ACOXL: variants seen among roughly 807,000 people sequenced by gnomAD.
ACOXL encodes acyl-CoA oxidase like.
ACOXL carries 70 observed loss-of-function variants against 71.9 expected under a neutral mutation model. That is an observed-to-expected ratio of 0.97 (90% confidence interval 0.80 to 1.19). ACOXL has a LOEUF of 1.19. ACOXL is among the 50% of genes most tolerant of loss of function. The pLI is 0.00. For missense variants in ACOXL, 703 were observed against 736.3 expected, an observed-to-expected ratio of 0.95 and a Z score of 0.52; for synonymous variants, 253 against 281.6, an observed-to-expected ratio of 0.90 and a Z score of 1.02.
At chr2:110,753,600 T>A (rs1301408994) in intron 1 of ACOXL, among the ~76,000 whole-genome samples, 2 of 152,222 alleles carry the variant, frequency 1.3e-5, no homozygotes, top group Non-Finnish European at 2.9e-5. Context: ...TCTGAATAGA[T>A]CATAGTTTAC....
At chr2:110,822,215 C>A (rs547416852) in intron 9 of ACOXL, among the ~76,000 whole-genome samples, 1 of 152,200 alleles carries the variant, frequency 6.6e-6, no homozygotes, top group East Asian at 1.9e-4. Flanking sequence ...GTAAAGCAAC[C>A]TGTGTATATA....
chr2:111,002,728 TA>T (rs1240175792), intron 14 of ACOXL, among the ~76,000 whole-genome samples: 19 of 152,320 alleles, frequency 1.2e-4, no homozygotes, highest in African/African-American at 4.3e-4. Flanking sequence ...ATTTTCATTT[TA>T]TTTTTTTCCC....
intron 14 of ACOXL, among the ~76,000 whole-genome samples, chr2:110,998,020 C>T (rs2063473301): frequency 6.9e-6 from 1 of 145,426 alleles, no homozygotes; most frequent in Non-Finnish European, 1.5e-5. Flanking sequence ...CACTGCACTC[C>T]AGCCTGGGCA....
intron 16 of ACOXL, among the ~76,000 whole-genome samples, chr2:111,054,729 A>G (rs1410074989): frequency 1.3e-5 from 2 of 152,212 alleles, no homozygotes; most frequent in Non-Finnish European, 2.9e-5. Context: ...TTAAGAAGTC[A>G]GACACATTTG....
intron 12 of ACOXL, among the ~76,000 whole-genome samples, chr2:110,942,930 AAAGAAAG>A (rs1299027037): frequency 6.8e-6 from 1 of 147,796 alleles, no homozygotes; most frequent in Non-Finnish European, 1.5e-5. Context: ...AAAGAGAAAG[AAAGAAAG>A]AAGAAAGAAA....
chr2:110,913,838 C>T (rs774277877), intron 11 of ACOXL, among the ~76,000 whole-genome samples: 4 of 152,210 alleles, frequency 2.6e-5, no homozygotes, highest in Non-Finnish European at 5.9e-5. Context: ...GGATAGGTAC[C>T]ACACACTTGA....
chr2:110,902,019 A>G (rs2059253736), intron 10 of ACOXL, among the ~76,000 whole-genome samples: 1 of 151,360 alleles, frequency 6.6e-6, no homozygotes, highest in African/African-American at 2.4e-5. Context: ...TGGATGACAG[A>G]GTACGATTCT....
chr2:110,879,781 A>G (rs1024798936), intron 10 of ACOXL, among the ~76,000 whole-genome samples: 4 of 152,224 alleles, frequency 2.6e-5, no homozygotes, highest in South Asian at 2.1e-4. Context: ...TGAAATGTCT[A>G]TGGTGGCCAC....
intron 12 of ACOXL, among the ~76,000 whole-genome samples, chr2:110,938,744 A>C (rs1226165116): frequency 6.6e-6 from 1 of 152,232 alleles, no homozygotes; most frequent in Non-Finnish European, 1.5e-5. Flanking sequence ...TGTCCTGTGC[A>C]TCTGTTTTCT....
intron 2 of ACOXL, among the ~76,000 whole-genome samples, chr2:110,770,093 A>G (rs1201483214): frequency 6.6e-6 from 1 of 151,864 alleles, no homozygotes; most frequent in Non-Finnish European, 1.5e-5. Flanking sequence ...GCCCTCTGAG[A>G]CCCCCTAAGG....
chr2:110,795,712 G>A (rs1427094099), intron 5 of ACOXL: 1 of 152,178 alleles, frequency 6.6e-6, no homozygotes, highest in Non-Finnish European at 1.5e-5. Context: ...GTGGTGGCAT[G>A]CTGACCTAAC....
At chr2:111,031,019 A>T (rs1017502843) in intron 14 of ACOXL, among the ~76,000 whole-genome samples, 1 of 152,244 alleles carries the variant, frequency 6.6e-6, no homozygotes, top group Non-Finnish European at 1.5e-5. Flanking sequence ...GACTCGCTTC[A>T]TTAGAGTGAT....
At chr2:110,779,727 A>G (rs1683098447) in intron 2 of ACOXL, among the ~76,000 whole-genome samples, 1 of 152,260 alleles carries the variant, frequency 6.6e-6, no homozygotes, top group Admixed American at 6.5e-5. Flanking sequence ...TCTTGGCAGT[A>G]AACGATGCTG....
chr2:110,848,586 A>G (rs1355369049), intron 10 of ACOXL, among the ~76,000 whole-genome samples: 2 of 152,282 alleles, frequency 1.3e-5, no homozygotes, highest in East Asian at 3.9e-4. Context: ...GGAGAAGGGT[A>G]AATGCCCTTC....
At chr2:110,859,362 A>C (rs181448230) in intron 10 of ACOXL, among the ~76,000 whole-genome samples, 9 of 152,304 alleles carry the variant, frequency 5.9e-5, no homozygotes, top group African/African-American at 1.9e-4. Flanking sequence ...GTGCTATGTG[A>C]GGATCCATCT....
At chr2:110,867,743 T>G (rs1377026478) in intron 10 of ACOXL, among the ~76,000 whole-genome samples, 1 of 152,030 alleles carries the variant, frequency 6.6e-6, no homozygotes, top group Non-Finnish European at 1.5e-5. Flanking sequence ...AGCAAAAAGT[T>G]GACATGAAAA....
At position 110,828,145 on chromosome 2, in the gene ACOXL, GT is replaced by G. The variant is rs540667870; in HGVS notation, c.754-13219del. ...GCCATCGCACCTGGCTAATTTTTGT[GT>G]TTTTTTGAAGAGACAGGGTCTTACT... On this transcript the variant is annotated intron_variant, in intron 9 of 17. Coordinates refer to ENST00000439055, the MANE Select transcript of ACOXL (RefSeq NM_001142807.4). Among the ~76,000 whole-genome samples the G allele has an allele frequency of 7.8e-4, 118 of 152,042 alleles. 2 individuals are homozygous for G. In the South Asian group the frequency reaches 0.019, roughly 25 times the overall value.
chr2:111,056,897 G>A (rs973666790), intron 16 of ACOXL, among the ~76,000 whole-genome samples: 3 of 152,098 alleles, frequency 2.0e-5, no homozygotes, highest in East Asian at 1.9e-4. Flanking sequence ...GTCCCTCTTC[G>A]GAAACATTTT....
intron 9 of ACOXL, among the ~76,000 whole-genome samples, chr2:110,815,410 C>A (rs1318011909): frequency 6.6e-6 from 1 of 152,122 alleles, no homozygotes; most frequent in African/African-American, 2.4e-5. Flanking sequence ...TCATATTCTC[C>A]TTTGTTAATT....
Sources: gnomAD v4.1 joint callset for allele counts (sites outside exome capture counted in the v4.1 genomes callset) on GRCh38, gnomAD v4.1.1 for gene constraint, MANE v1.5 for transcripts, NCBI Gene and HGNC (gene_info 2026-07-23, HGNC 2026-07-21) for gene names.